Variants in MEP1A observed in about 807,000 individuals in gnomAD.
MEP1A encodes meprin A subunit alpha.
A neutral mutation model predicts 84.5 loss-of-function variants in MEP1A; 68 were observed. The observed-to-expected ratio is 0.80, with a 90% CI of 0.66 to 0.98. MEP1A has a LOEUF of 0.98. MEP1A is among the 50% of genes least tolerant of loss of function. MEP1A has a pLI of 0.00. For synonymous variants in MEP1A, 337 were observed against 336.8 expected (o/e 1.00, Z -0.01); for missense variants, 887 against 919.9 (o/e 0.96, Z 0.46).
chr6:46,818,588 C>G (rs1767694558), intron 6 of MEP1A, among the ~76,000 whole-genome samples: 1 of 152,130 alleles, frequency 6.6e-6, no homozygotes. Context: ...GGAAGACATT[C>G]TACCGTAAGG....
At chr6:46,831,887 C>G (rs574073493) in intron 10 of MEP1A, among the ~76,000 whole-genome samples, 1 of 152,134 alleles carries the variant, frequency 6.6e-6, no homozygotes, top group Admixed American at 6.5e-5. Context: ...CAGAGGTGGT[C>G]GTGTGCCTTC....
chr6:46,829,123 T>C (rs962511932), intron 9 of MEP1A, among the ~76,000 whole-genome samples: 2 of 152,224 alleles, frequency 1.3e-5, no homozygotes, highest in African/African-American at 4.8e-5. Context: ...TTTCACAATC[T>C]TGGAACAAAG....
chr6:46,813,459 C>G (rs1439766912), intron 6 of MEP1A, among the ~76,000 whole-genome samples: 2 of 151,924 alleles, frequency 1.3e-5, no homozygotes, highest in Non-Finnish European at 2.9e-5. Context: ...ATAGACAATT[C>G]TGAAGACAGC....
chr6:46,807,720 AGAG>A (rs1247236097), intron 5 of MEP1A, among the ~76,000 whole-genome samples: 1 of 147,106 alleles, frequency 6.8e-6, no homozygotes. Context: ...AAGAAGAAGA[AGAG>A]GAAAACAGAA....
chr6:46,845,304 G>C, the MEP1A span, among the ~76,000 whole-genome samples: 1 of 152,178 alleles, frequency 6.6e-6, no homozygotes, highest in South Asian at 2.1e-4. Context: ...CTGATAACGG[G>C]ACATAATGGC....
At chr6:46,807,239 G>T (rs1327839534) in intron 5 of MEP1A, among the ~76,000 whole-genome samples, 2 of 151,736 alleles carry the variant, frequency 1.3e-5, no homozygotes, top group Admixed American at 1.3e-4. Flanking sequence ...GAATGCTAGT[G>T]GTTTTCAAAA....
intron 6 of MEP1A, among the ~76,000 whole-genome samples, chr6:46,815,774 G>C (rs959102128): frequency 2.0e-5 from 3 of 152,058 alleles, no homozygotes; most frequent in African/African-American, 7.2e-5. Context: ...ATGATGGATG[G>C]ATAGTATGAT....
rs534583054 is a variant in MEP1A at position 46,821,641 on chromosome 6, A to G, written c.556+1937A>G. On this transcript the variant is annotated intron_variant, in intron 7 of 13. Transcript: ENST00000230588. Reference sequence around the variant, plus strand: ...GATGAAAATGTTGTAAGGAAGCAGAAAACATTTCTATTTCCAAGTCTTATA... The same window carrying G: ...GATGAAAATGTTGTAAGGAAGCAGAGAACATTTCTATTTCCAAGTCTTATA... Among the ~76,000 whole-genome samples, 5 of 152,298 alleles carry G rather than the reference A, an allele frequency of 3.3e-5. No homozygotes were observed. In the South Asian group the frequency reaches 1.0e-3, roughly 32 times the overall value.
At chr6:46,804,889 G>T (rs978429848) in intron 5 of MEP1A, among the ~76,000 whole-genome samples, 2 of 138,304 alleles carry the variant, frequency 1.4e-5, no homozygotes, top group East Asian at 4.0e-4. Context: ...TTTCTTCATA[G>T]GTGAATTTAA....
chr6:46,809,384 A>T, intron 5 of MEP1A, 36 bp from the exon 6 acceptor site: 1 of 1,335,460 alleles, frequency 7.5e-7, no homozygotes, highest in Non-Finnish European at 1.1e-6. Flanking sequence ...CTAAGGTCCA[A>T]ATAATGCTCA....
chr6:46,803,716 T>A (rs1033557001), intron 5 of MEP1A, among the ~76,000 whole-genome samples: 1 of 143,526 alleles, frequency 7.0e-6, no homozygotes, highest in African/African-American at 2.6e-5. Flanking sequence ...TAATATATTC[T>A]ACAACATGGC....
intron 13 of MEP1A, among the ~76,000 whole-genome samples, chr6:46,836,589 G>A (rs1768222228): frequency 6.6e-6 from 1 of 152,148 alleles, no homozygotes; most frequent in Non-Finnish European, 1.5e-5. Context: ...TTGGTACAAT[G>A]CTAGTAAATA....
chr6:46,815,946 TA>T (rs1201639370), intron 6 of MEP1A, among the ~76,000 whole-genome samples: 4 of 152,180 alleles, frequency 2.6e-5, no homozygotes, highest in African/African-American at 9.7e-5. Context: ...ATTTATTTAT[TA>T]TTTTTTTGAG....
chr6:46,812,395 A>G (rs911730605), intron 6 of MEP1A, among the ~76,000 whole-genome samples: 6 of 151,514 alleles, frequency 4.0e-5, no homozygotes, highest in African/African-American at 1.5e-4. Flanking sequence ...ATAATCTATC[A>G]ATTTTATTTA....
At chr6:46,795,656 A>G (rs1275970569) in intron 3 of MEP1A, among the ~76,000 whole-genome samples, 1 of 152,060 alleles carries the variant, frequency 6.6e-6, no homozygotes, top group Non-Finnish European at 1.5e-5. Flanking sequence ...TACTGCCCCT[A>G]CCTTGGTCAG....
chr6:46,810,988 T>C (rs898942125), intron 6 of MEP1A, among the ~76,000 whole-genome samples: 3 of 152,138 alleles, frequency 2.0e-5, no homozygotes, highest in Non-Finnish European at 4.4e-5. Flanking sequence ...AGGATGGTTT[T>C]TCCAGGTCTG....
intron 5 of MEP1A, among the ~76,000 whole-genome samples, chr6:46,806,326 C>T (rs1767318316): frequency 6.6e-6 from 1 of 151,994 alleles, no homozygotes; most frequent in Non-Finnish European, 1.5e-5. Context: ...TTTTCATTCT[C>T]CTCTGAATTG....
At chr6:46,812,141 A>C (rs1767517831) in intron 6 of MEP1A, among the ~76,000 whole-genome samples, 1 of 151,952 alleles carries the variant, frequency 6.6e-6, no homozygotes, top group African/African-American at 2.4e-5. Context: ...TGCCATTTCA[A>C]TCTCACTACT....
chr6:46,826,614 T>C, intron 9 of MEP1A, 111 bp downstream of exon 9: 1 of 962,156 alleles, frequency 1.0e-6, no homozygotes, highest in Non-Finnish European at 1.4e-6. Context: ...AACTTGAAAA[T>C]CTGAACAAGG....
Sources: gnomAD v4.1 joint callset for allele counts (sites outside exome capture counted in the v4.1 genomes callset) on GRCh38, gnomAD v4.1.1 for gene constraint, MANE v1.5 for transcripts, NCBI Gene and HGNC (gene_info 2026-07-23, HGNC 2026-07-21) for gene names.